The following C6 variants were observed in gnomAD, a reference collection of about 807,000 sequenced individuals.
The protein encoded by C6 is complement component C6.
In C6, 101 loss-of-function variants were observed where a neutral mutation model predicts 112.9. The observed-to-expected ratio is 0.89, with a 90% CI of 0.76 to 1.06. The LOEUF (loss-of-function observed/expected upper bound fraction) is 1.06. C6 is among the 50% of genes least tolerant of loss of function. C6 has a pLI of 0.00. For synonymous variants in C6, 431 were observed against 384.1 expected, an observed-to-expected ratio of 1.12 and a Z score of -1.43; for missense variants, 1,202 against 1,104.6, an observed-to-expected ratio of 1.09 and a Z score of -1.25.
chr5:41,215,094 C>T (rs1398428497), upstream of C6, among the ~76,000 whole-genome samples: 1 of 152,082 alleles, frequency 6.6e-6, no homozygotes. Flanking sequence ...CTCATGAGTC[C>T]TTTTTCTAGA....
chr5:41,143,087 C>T (rs1395858012), intron 17 of C6, 81 bp from the exon 18 acceptor site: 31 of 1,304,770 alleles, frequency 2.4e-5, no homozygotes, highest in South Asian at 1.3e-4. Flanking sequence ...CCCAGGGTGG[C>T]GAGCTCCTTG....
At position 41,159,209 on chromosome 5, in the gene C6, A is replaced by C. The variant is rs1185358116; in HGVS notation, c.1729T>G (p.Cys577Gly). ...QWGCWSSWST[C>G]DATYKRSRTR... ...CTCGATCTCTTATAAGTAGCATCACAGGTACTCCAGGAAGACCAACAACCC... is the reference window on the plus strand; with the variant it reads ...CTCGATCTCTTATAAGTAGCATCACCGGTACTCCAGGAAGACCAACAACCC... Residue 577 changes from cysteine (C) to glycine (G), a missense_variant, in exon 12 of 18, where the codon TGT becomes GGT. By Grantham distance (159) the Cys-to-Gly change is radical. Coordinates refer to ENST00000337836, the MANE Select transcript of C6 (RefSeq NM_000065.5). The C allele has an allele frequency of 5.6e-6, 9 of 1,613,468 alleles. No individual in the cohort carries two copies. The highest frequency in any genetic ancestry group is 7.6e-6 in the Non-Finnish European group (9 of 1,179,696).
chr5:41,158,813 ATATG>A lies in C6; in HGVS notation c.1857-32_1857-29del, dbSNP rs761471336. 79 of 1,268,318 alleles carry A rather than the reference ATATG, an allele frequency of 6.2e-5. No homozygotes were observed. In the Admixed American group the frequency reaches 1.3e-3, roughly 21 times the overall value. 78.6% of individuals were successfully genotyped at this position (1,268,318 alleles called of 1,614,324 possible). A position where few individuals can be genotyped will look rare whatever the true frequency, so the allele number is the denominator to read the frequency against. The stretch of plus-strand genomic sequence containing the variant: ...AAAAGGGAAACATAAATATGTGTGT[ATATG>A]TATGTATGTACACACATTTACATGT... On this transcript the variant is annotated intron_variant, in intron 12 of 17. Transcript: ENST00000337836.
chr5:41,142,477 T>C lies in C6; in HGVS notation c.*348A>G. On this transcript the variant is annotated 3_prime_UTR_variant, in exon 18 of 18. Transcript: ENST00000337836. The stretch of plus-strand genomic sequence containing the variant: ...TGTTTATTAACTCATTGAAGAAAAT[T>C]ATGGGTTTTATTCTTATTTCTAATT... 3.8e-6 allele frequency: 1 copy of C among 261,896 alleles called. No homozygotes were observed. Among genetic ancestry groups the C allele is most frequent in the Non-Finnish European group, 7.5e-6 (1 of 132,844 alleles). 16.2% of individuals were successfully genotyped at this position (261,896 alleles called of 1,614,324 possible). A position where few individuals can be genotyped will look rare whatever the true frequency, so the allele number is the denominator to read the frequency against.
At position 41,150,830 on chromosome 5, in the gene C6, T is replaced by C. The variant is rs566537953; in HGVS notation, c.2291-805A>G. On this transcript the variant is annotated intron_variant, in intron 15 of 17. Coordinates refer to ENST00000337836, the MANE Select transcript of C6 (RefSeq NM_000065.5). ...TGAACCCGGGAGGCAGAGGTTGCAGTGAGCCGAGATTGTGCCACTGCACCC... is the reference window on the plus strand; with the variant it reads ...TGAACCCGGGAGGCAGAGGTTGCAGCGAGCCGAGATTGTGCCACTGCACCC... 2.0e-5 allele frequency among the ~76,000 whole-genome samples: 3 copies of C among 149,168 alleles called. No homozygotes were observed. In the East Asian group the frequency reaches 5.9e-4, roughly 29 times the overall value.
intron 1 of C6, among the ~76,000 whole-genome samples, chr5:41,205,013 G>T (rs888796180): frequency 3.3e-5 from 5 of 152,122 alleles, no homozygotes; most frequent in African/African-American, 1.2e-4. Context: ...CAAATCCATT[G>T]ACGTATGGCT....
chr5:41,183,640 A>G (rs1234901386), intron 6 of C6, among the ~76,000 whole-genome samples: 1 of 152,214 alleles, frequency 6.6e-6, no homozygotes, highest in African/African-American at 2.4e-5. Flanking sequence ...GTACATATCC[A>G]AAAGAAAACA....
Position 41,149,380 on chromosome 5 carries a change from T to G in C6, c.2484A>C (p.Gln828His), listed in dbSNP as rs747456709. ...AGGAACCAATATGTAGAAAATGGAGTTGCTGATTATTTAAACATTTCTCAG... is the reference window on the plus strand; with the variant it reads ...AGGAACCAATATGTAGAAAATGGAGGTGCTGATTATTTAAACATTTCTCAG... ...FLAEKCLNNQ[Q>H]LHFLHIGSCQ... Residue 828 changes from glutamine (Q) to histidine (H), a missense_variant, in exon 17 of 18, where the codon CAA becomes CAC. Coordinates refer to ENST00000337836, the MANE Select transcript of C6 (RefSeq NM_000065.5). 3.7e-6 allele frequency: 6 copies of G among 1,614,034 alleles called. No individual in the cohort carries two copies. The highest frequency in any genetic ancestry group is 5.1e-6 in the Non-Finnish European group (6 of 1,179,976).
At chr5:41,161,940 G>T in intron 9 of C6, 81 bp from the exon 10 acceptor site, 1 of 1,379,776 alleles carries the variant, frequency 7.2e-7, no homozygotes, top group Non-Finnish European at 1.0e-6. Flanking sequence ...AAACCTATTT[G>T]TACAGAAGGG....
chr5:41,250,115 C>T (rs1182619882), intron 1 of C6, among the ~76,000 whole-genome samples: 10 of 152,144 alleles, frequency 6.6e-5, no homozygotes, highest in East Asian at 3.8e-4. Flanking sequence ...TTAATGGTAT[C>T]GGGGGAATTT....
intron 1 of C6, among the ~76,000 whole-genome samples, chr5:41,212,263 G>A (rs34675731): frequency 0.23 from 35,111 of 152,030 alleles, 4,973 homozygotes; most frequent in Non-Finnish European, 0.32. Flanking sequence ...CTGGGTTCAA[G>A]CAATTCTCTG....
chr5:41,178,300 CT>C (rs1303990613), intron 7 of C6, among the ~76,000 whole-genome samples: 2 of 146,520 alleles, frequency 1.4e-5, no homozygotes, highest in East Asian at 3.9e-4. Flanking sequence ...TGGAAACAGA[CT>C]GTTTGTCCAA....
chr5:41,184,996 C>A (rs1429500875), intron 6 of C6, among the ~76,000 whole-genome samples: 1 of 152,132 alleles, frequency 6.6e-6, no homozygotes, highest in Non-Finnish European at 1.5e-5. Context: ...GCTGAAAATA[C>A]AGGCAATATC....
Position 41,142,735 on chromosome 5 carries a change from T to C in C6, c.*90A>G. 1.0e-6 allele frequency: 1 copy of C among 998,506 alleles called. No homozygotes were observed. Among genetic ancestry groups the C allele is most frequent in the Non-Finnish European group, 1.6e-6 (1 of 621,866 alleles). 61.9% of individuals were successfully genotyped at this position (998,506 alleles called of 1,614,324 possible). A position where few individuals can be genotyped will look rare whatever the true frequency, so the allele number is the denominator to read the frequency against. On this transcript the variant is annotated 3_prime_UTR_variant, in exon 18 of 18. Coordinates refer to ENST00000337836, the MANE Select transcript of C6 (RefSeq NM_000065.5). ...TTGTCAGTAACTTTGAGCATGCCAG[T>C]CTGCTGTTTGTGCAAGAATTCTCAT... is the stretch of plus-strand genomic sequence containing the variant.
chr5:41,192,646 T>G (rs1208220640), intron 5 of C6, among the ~76,000 whole-genome samples: 1 of 152,198 alleles, frequency 6.6e-6, no homozygotes, highest in East Asian at 1.9e-4. Flanking sequence ...TTTTAGATTT[T>G]CAAATTTGTT....
intron 3 of C6, 116 bp downstream of exon 3, chr5:41,201,442 G>C: frequency 9.7e-7 from 1 of 1,032,270 alleles, no homozygotes; most frequent in Non-Finnish European, 1.5e-6. Context: ...TGGAAGCTGA[G>C]ACAGTTGATT....
intron 17 of C6, 99 bp downstream of exon 17, chr5:41,149,142 T>C (rs1746130252): frequency 7.1e-7 from 1 of 1,415,434 alleles, no homozygotes. Flanking sequence ...GAAAAGGAAT[T>C]ATTTTTGATT....
Position 41,213,396 on chromosome 5 carries a change from G to A in C6, c.-41C>T, listed in dbSNP as rs1752063764. On this transcript the variant is annotated 5_prime_UTR_variant, in exon 1 of 18. Transcript: ENST00000337836. ...CTCACCTTTAAGCAGAGTTTGTGGT[G>A]TCCTCGGACCTAAGCTGCAAATTAT... 1 of 984,938 alleles carries A rather than the reference G, an allele frequency of 1.0e-6. No individual in the cohort carries two copies. Among genetic ancestry groups the A allele is most frequent in the Non-Finnish European group, 1.2e-6 (1 of 829,552 alleles). The allele number at this position is 984,938 out of a possible 1,614,324, so 61.0% of individuals were successfully genotyped here. A position where few individuals can be genotyped will look rare whatever the true frequency, so the allele number is the denominator to read the frequency against.
At chr5:41,219,398 T>C (rs1483441718) in intron 1 of C6, among the ~76,000 whole-genome samples, 1 of 151,912 alleles carries the variant, frequency 6.6e-6, no homozygotes, top group Non-Finnish European at 1.5e-5. Context: ...TGAGAGAGCT[T>C]TGGGAGGGCT....
Sources: allele counts gnomAD v4.1 joint callset (sites outside exome capture counted in the v4.1 genomes callset), GRCh38; gene constraint gnomAD v4.1.1; transcripts MANE v1.5; gene names NCBI Gene and HGNC (gene_info 2026-07-23, HGNC 2026-07-21).